SMAP1: variants seen among roughly 807,000 people sequenced by gnomAD.
SMAP1 encodes small ArfGAP 1, also known as stromal membrane-associated protein 1.
In SMAP1, 24 loss-of-function variants were observed where a neutral mutation model predicts 58.5. That is an observed-to-expected ratio of 0.41 (90% CI 0.30 to 0.58). SMAP1 has a LOEUF of 0.58. SMAP1 is among the 20% of genes least tolerant of loss of function. The pLI, the probability that SMAP1 is intolerant of heterozygous loss-of-function variation, is 0.29. For missense variants in SMAP1, 563 were observed against 566.3 expected, an observed-to-expected ratio of 0.99 and a Z score of 0.06; for synonymous variants, 216 against 196.6, an observed-to-expected ratio of 1.10 and a Z score of -0.82.
At chr6:70,782,952 C>A (rs551224058) in intron 4 of SMAP1, among the ~76,000 whole-genome samples, 1 of 152,162 alleles carries the variant, frequency 6.6e-6, no homozygotes, top group Non-Finnish European at 1.5e-5. Flanking sequence ...TCTCCCAGCA[C>A]GCAGCTGGAG....
chr6:70,753,333 T>G (rs1376585971), intron 2 of SMAP1, among the ~76,000 whole-genome samples: 1 of 152,160 alleles, frequency 6.6e-6, no homozygotes, highest in East Asian at 1.9e-4. Flanking sequence ...TGATAGAAAC[T>G]TTTCAAATTT....
chr6:70,819,328 GAA>G (rs61400090), intron 6 of SMAP1, among the ~76,000 whole-genome samples: 128 of 142,762 alleles, frequency 9.0e-4, no homozygotes, highest in Non-Finnish European at 9.6e-4. Context: ...ATGTAAGGGT[GAA>G]AAAAAAAAAA....
intron 1 of SMAP1, chr6:70,694,757 G>T (rs566408763): frequency 6.6e-6 from 1 of 152,308 alleles, no homozygotes; most frequent in South Asian, 2.1e-4. Flanking sequence ...TCTCACCTGT[G>T]TGGCTGTATA....
chr6:70,693,306 T>C (rs1229804080), intron 1 of SMAP1, among the ~76,000 whole-genome samples: 3 of 147,190 alleles, frequency 2.0e-5, no homozygotes, highest in East Asian at 2.0e-4. Context: ...TTCTTTTTTT[T>C]TTTTTTTTTT....
At position 70,796,125 on chromosome 6, in the gene SMAP1, A is replaced by G. The variant is rs367972376; in HGVS notation, c.496-2532A>G. 1.1e-4 allele frequency among the ~76,000 whole-genome samples: 17 copies of G among 152,252 alleles called. No individual in the cohort carries two copies. In the East Asian group the frequency reaches 3.3e-3, roughly 29 times the overall value. ...GAAAACATTTTATAATATATATAAAATTTTTGCACATCCTATTTATTCTTT... is the reference window on the plus strand; with the variant it reads ...GAAAACATTTTATAATATATATAAAGTTTTTGCACATCCTATTTATTCTTT... On this transcript the variant is annotated intron_variant, in intron 5 of 10. Coordinates refer to ENST00000370455, the MANE Select transcript of SMAP1 (RefSeq NM_001044305.3).
At chr6:70,686,159 C>T (rs1766928242) in intron 1 of SMAP1, among the ~76,000 whole-genome samples, 2 of 152,074 alleles carry the variant, frequency 1.3e-5, no homozygotes, top group African/African-American at 4.8e-5. Flanking sequence ...GAAGCTGAAT[C>T]CAAATTGCCT....
rs555133465 is a variant in SMAP1 at position 70,701,356 on chromosome 6, A to G, written c.119-31022A>G. 1.3e-4 allele frequency among the ~76,000 whole-genome samples: 20 copies of G among 152,190 alleles called. No individual in the cohort carries two copies. In the South Asian group the frequency reaches 4.1e-3, roughly 32 times the overall value. On this transcript the variant is annotated intron_variant, in intron 1 of 10. Transcript: ENST00000370455. ...CTCTGGATCACAGGCATGAGCCACC[A>G]TGCCTGGCCTGGTGTCTTACTAGGT...
At chr6:70,742,842 C>T (rs374324330) in intron 2 of SMAP1, among the ~76,000 whole-genome samples, 23 of 152,216 alleles carry the variant, frequency 1.5e-4, no homozygotes, top group African/African-American at 3.4e-4. Flanking sequence ...TCTCACATGG[C>T]GGCAGACAAT....
intron 5 of SMAP1, among the ~76,000 whole-genome samples, chr6:70,794,243 A>G (rs1382627729): frequency 1.3e-5 from 2 of 152,178 alleles, no homozygotes; most frequent in African/African-American, 2.4e-5. Flanking sequence ...TTGCTGAGAA[A>G]ATAGTTTAAA....
At chr6:70,772,452 A>G (rs1259117339) in intron 3 of SMAP1, among the ~76,000 whole-genome samples, 1 of 152,084 alleles carries the variant, frequency 6.6e-6, no homozygotes, top group Non-Finnish European at 1.5e-5. Flanking sequence ...TTCTGTAATT[A>G]TGTGTGTTTT....
chr6:70,689,687 T>C (rs940478439), intron 1 of SMAP1, among the ~76,000 whole-genome samples: 1 of 152,200 alleles, frequency 6.6e-6, no homozygotes, highest in Admixed American at 6.5e-5. Context: ...ATATAGAGTC[T>C]TCCAATCTGA....
At chr6:70,770,216 A>G (rs1201778935) in intron 3 of SMAP1, among the ~76,000 whole-genome samples, 2 of 151,318 alleles carry the variant, frequency 1.3e-5, no homozygotes, top group African/African-American at 2.4e-5. Context: ...TGAATCTGAC[A>G]ATTATGTGTC....
At chr6:70,788,907 G>T (rs188459682) in intron 4 of SMAP1, among the ~76,000 whole-genome samples, 22 of 152,280 alleles carry the variant, frequency 1.4e-4, no homozygotes, top group African/African-American at 5.3e-4. Flanking sequence ...TTGGAGAGGA[G>T]CAAGATTTGG....
chr6:70,720,137 A>G (rs1163452164), intron 1 of SMAP1, among the ~76,000 whole-genome samples: 2 of 152,188 alleles, frequency 1.3e-5, no homozygotes, highest in Non-Finnish European at 2.9e-5. Flanking sequence ...CCCAGATACA[A>G]TGGGGGTACA....
chr6:70,802,836 T>G (rs1768923716), intron 6 of SMAP1, among the ~76,000 whole-genome samples: 1 of 151,558 alleles, frequency 6.6e-6, no homozygotes. Flanking sequence ...TGAACCAGCC[T>G]TGCATCCCAG....
At chr6:70,764,227 A>G (rs1398993818) in intron 3 of SMAP1, among the ~76,000 whole-genome samples, 1 of 152,120 alleles carries the variant, frequency 6.6e-6, no homozygotes, top group Non-Finnish European at 1.5e-5. Context: ...CATGAAGTTT[A>G]AGAAAAGAAG....
At chr6:70,846,431 AG>A (rs1433986837) in intron 7 of SMAP1, among the ~76,000 whole-genome samples, 6 of 152,166 alleles carry the variant, frequency 3.9e-5, no homozygotes, top group Admixed American at 6.5e-5. Flanking sequence ...GCCAGCGAGG[AG>A]TAAAGAGGCT....
chr6:70,823,574 C>T (rs1489722295), intron 6 of SMAP1, among the ~76,000 whole-genome samples: 3 of 152,104 alleles, frequency 2.0e-5, no homozygotes, highest in Non-Finnish European at 4.4e-5. Flanking sequence ...CTAGGACCCC[C>T]TGCAGATACC....
chr6:70,736,005 T>TTGTG (rs202130484), intron 2 of SMAP1, among the ~76,000 whole-genome samples: 1 of 151,266 alleles, frequency 6.6e-6, no homozygotes, highest in Non-Finnish European at 1.5e-5. Flanking sequence ...AAAATGTTCT[T>TTGTG]TGTGTGTGTG....
Sources: gnomAD v4.1 joint callset for allele counts (sites outside exome capture counted in the v4.1 genomes callset) on GRCh38, gnomAD v4.1.1 for gene constraint, MANE v1.5 for transcripts, NCBI Gene and HGNC (gene_info 2026-07-23, HGNC 2026-07-21) for gene names.